The following ZNF318 variants were observed in gnomAD, a reference collection of about 807,000 sequenced individuals.
The protein encoded by ZNF318 is zinc finger protein 318, also known as endocrine regulator.
In ZNF318, 51 loss-of-function variants were observed where a neutral mutation model predicts 124.2. That is an observed-to-expected ratio of 0.41 (90% CI 0.33 to 0.52). ZNF318 has a LOEUF of 0.52. Ranked by LOEUF, ZNF318 falls within the 20% of genes least tolerant of loss-of-function variation. The probability of loss-of-function intolerance (pLI) is 0.23; values close to 1 mark genes in which losing one functional copy is unlikely to be tolerated. For missense variants in ZNF318, 2,815 were observed against 2,811.2 expected, an observed-to-expected ratio of 1.00 and a Z score of -0.03; for synonymous variants, 1,090 against 1,040.7, an observed-to-expected ratio of 1.05 and a Z score of -0.91.
chr6:43,337,967 G>A lies in ZNF318; in HGVS notation c.6031C>T (p.Leu2011Phe). The A allele has an allele frequency of 1.9e-6, 3 of 1,614,204 alleles. No individual in the cohort carries two copies. The highest frequency in any genetic ancestry group is 2.2e-5 in the East Asian group (1 of 44,884). The change falls in exon 10 of 10, where the codon CTT becomes TTT. Residue 2011 changes from leucine (L) to phenylalanine (F), a missense_variant. Around this residue, in one of 4 missense-constraint regions of ZNF318, gnomAD observed 927 missense variants for 820.6 expected, o/e 1.13. Coordinates refer to ENST00000361428, the MANE Select transcript of ZNF318 (RefSeq NM_014345.3). The part of the protein sequence containing the change: ...FEATDLKVEE[L>F]TALGNLGDMP... The stretch of plus-strand genomic sequence containing the variant: ...TCCCCCAGATTCCCCAGGGCAGTAA[G>A]CTCCTCTACCTTTAAGTCTGTAGCT...
chr6:43,363,515 T>C (rs1779714753), intron 2 of ZNF318: 1 of 217,196 alleles, frequency 4.6e-6, no homozygotes, highest in East Asian at 1.2e-4. Flanking sequence ...CCGTGGTGGC[T>C]TCCATGGAGG....
chr6:43,369,324 C>A lies in ZNF318; in HGVS notation c.42G>T (p.Arg14=), dbSNP rs1464889145. The A allele has an allele frequency of 7.4e-7, 1 of 1,346,924 alleles. No individual in the cohort carries two copies. The highest frequency in any genetic ancestry group is 1.6e-5 in the South Asian group (1 of 64,516). The allele number at this position is 1,346,924 out of a possible 1,614,324, so 83.4% of individuals were successfully genotyped here. ...GGCCGCCCCCGCCGTCGTCTTTAGG[C>A]CGGTGGGAAGAGACGGAGGAGCGAG... is the stretch of plus-strand genomic sequence containing the variant. ...SSARSSVSSH[R]PKDDGGGGPR... The change falls in exon 1 of 10, where the codon CGG becomes CGT. Residue 14 remains arginine (R), a synonymous_variant. Coordinates refer to ENST00000361428, the MANE Select transcript of ZNF318 (RefSeq NM_014345.3).
chr6:43,340,359 TTTC>T lies in ZNF318; in HGVS notation c.3636_3638del (p.Lys1213del). On this transcript the variant is annotated inframe_deletion, in exon 10 of 10. Coordinates refer to ENST00000361428, the MANE Select transcript of ZNF318 (RefSeq NM_014345.3). The stretch of plus-strand genomic sequence containing the variant: ...CTTTCACAGCCTTTGCCTTTTTTTC[TTTC>T]TTCTCCTCCTTTGGTTTCTCACTAA... 2 of 1,614,190 alleles carry T rather than the reference TTTC, an allele frequency of 1.2e-6. No homozygotes were observed. Among genetic ancestry groups the T allele is most frequent in the Non-Finnish European group, 1.7e-6 (2 of 1,180,036 alleles).
Position 43,369,250 on chromosome 6 carries a change from C to G in ZNF318, c.116G>C (p.Ser39Thr). 8 of 1,254,392 alleles carry G rather than the reference C, an allele frequency of 6.4e-6. No individual in the cohort carries two copies. Among genetic ancestry groups the G allele is most frequent in the South Asian group, 2.5e-5 (1 of 39,658 alleles). 77.7% of individuals were successfully genotyped at this position (1,254,392 alleles called of 1,614,324 possible). The change falls in exon 1 of 10, where the codon AGC (serine) becomes ACC (threonine). Residue 39 changes from serine (S) to threonine (T), a missense_variant. This residue lies in a region of ZNF318 where 1,377 missense variants were observed against 1,353.5 expected (regional missense o/e 1.02). Coordinates refer to ENST00000361428, the MANE Select transcript of ZNF318 (RefSeq NM_014345.3). ...GCCGGAGGGCGGAGGCGGCGGTGAG[C>G]TGCGGCGAGCCGGGCCTGAGGAGGA... ...SGSSSGPARR[S>T]SPPPPPSGSS...
rs1311917339 is a variant in ZNF318, at chr6:43,338,281, C to T, written c.5717G>A (p.Gly1906Asp). 9.9e-6 allele frequency: 16 copies of T among 1,614,060 alleles called. No individual in the cohort carries two copies. The highest frequency in any genetic ancestry group is 1.4e-5 in the Non-Finnish European group (16 of 1,180,046). Residue 1906 changes from glycine to aspartate, a missense_variant, in exon 10 of 10, where the codon GGT becomes GAT. By Grantham distance (94) the Gly-to-Asp change is moderately conservative. This residue lies in a region of ZNF318 where 927 missense variants were observed against 820.6 expected (regional missense o/e 1.13). Transcript: ENST00000361428. Reference sequence around the variant, plus strand: ...TGAAACTCCTTGCTCTTGTGGACTACCTGTTAAACACATAGCTGATCTGGC... The same window carrying T: ...TGAAACTCCTTGCTCTTGTGGACTATCTGTTAAACACATAGCTGATCTGGC... The part of the protein sequence containing the change: ...SPARSAMCLT[G>D]SPQEQGVSVV...
At chr6:43,368,037 TAATAAA>T (rs1345646861) in intron 1 of ZNF318, among the ~76,000 whole-genome samples, 1 of 152,038 alleles carries the variant, frequency 6.6e-6, no homozygotes, top group Non-Finnish European at 1.5e-5. Context: ...ATAATAATAA[TAATAAA>T]AAGATTGATG....
chr6:43,357,410 G>A lies in ZNF318; in HGVS notation c.904C>T (p.Arg302Cys), dbSNP rs772493037. The change falls in exon 3 of 10, where the codon CGT (arginine) becomes TGT (cysteine). Residue 302 changes from arginine (R) to cysteine (C), a missense_variant. Physicochemically the swap from Arg to Cys is radical, Grantham distance 180. Coordinates refer to ENST00000361428, the MANE Select transcript of ZNF318 (RefSeq NM_014345.3). The stretch of plus-strand genomic sequence containing the variant: ...AACCTAGGACTTGGGCTTCTTCTAC[G>A]CTGTCGATAGTTGCGAGTTCCTGAT... ...FTSGTRNYRQRRRSPSPRFLD... is the reference protein window; with the variant it reads ...FTSGTRNYRQCRRSPSPRFLD... 35 of 1,614,018 alleles carry A rather than the reference G, an allele frequency of 2.2e-5. 2 individuals carry two copies. The highest frequency in any genetic ancestry group is 3.3e-4 in the Middle Eastern group (2 of 6,084).
Position 43,347,391 on chromosome 6 carries a change from G to C in ZNF318, c.3072+933C>G, listed in dbSNP as rs555452614. 3.3e-5 allele frequency among the ~76,000 whole-genome samples: 5 copies of C among 152,354 alleles called. No homozygotes were observed. The South Asian group carries it at 1.0e-3, about 32-fold the overall frequency. On this transcript the variant is annotated intron_variant, in intron 6 of 9. Transcript: ENST00000361428. ...TGGCTTGGACTTGAATGTCAATGGAGATGATAAGGTGCATGGAATCGAGAT... is the reference window on the plus strand; with the variant it reads ...TGGCTTGGACTTGAATGTCAATGGACATGATAAGGTGCATGGAATCGAGAT...
At chr6:43,354,309 T>C (rs1039289530) in intron 4 of ZNF318, among the ~76,000 whole-genome samples, 3 of 152,202 alleles carry the variant, frequency 2.0e-5, no homozygotes, top group Non-Finnish European at 2.9e-5. Context: ...GGTTTACTGA[T>C]TCTCCTTCAC....
rs1195326990 is a variant in ZNF318, at chr6:43,369,531, C to T, written c.-166G>A. The stretch of plus-strand genomic sequence containing the variant: ...TCGGCCCCGCGTCGCCCCGGGGGCC[C>T]GGCCGAGCGCGCCCCCGCGGCTGGC... On this transcript the variant is annotated 5_prime_UTR_variant, in exon 1 of 10. Transcript: ENST00000361428. 9.4e-6 allele frequency: 3 copies of T among 317,838 alleles called. No homozygotes were observed. Among genetic ancestry groups the T allele is most frequent in the African/African-American group, 2.3e-5 (1 of 44,240 alleles). The allele number at this position is 317,838 out of a possible 1,614,324, so 19.7% of individuals were successfully genotyped here. A position where few individuals can be genotyped will look rare whatever the true frequency, so the allele number is the denominator to read the frequency against.
intron 3 of ZNF318, 67 bp downstream of exon 3, chr6:43,357,059 G>T (rs924484156): frequency 1.9e-5 from 28 of 1,506,140 alleles, no homozygotes; most frequent in Non-Finnish European, 2.5e-5. Flanking sequence ...TAGCCCACAG[G>T]AAAGTAAGCA....
At chr6:43,358,884 AGAGGT>A (rs146136596) in intron 2 of ZNF318, among the ~76,000 whole-genome samples, 4,209 of 152,270 alleles carry the variant, frequency 0.028, 207 homozygotes, top group African/African-American at 0.094. Flanking sequence ...GCTGTGTTCC[AGAGGT>A]TGTAAAGAGT....
rs370389262 is a variant in ZNF318, at chr6:43,364,257, T to C, written c.548+1035A>G. Reference sequence around the variant, plus strand: ...ATCAAGACACACACCAGAGTCTCTGTGCAGAGGACGTAGGCTCCAGCTGTG... The same window carrying C: ...ATCAAGACACACACCAGAGTCTCTGCGCAGAGGACGTAGGCTCCAGCTGTG... On this transcript the variant is annotated intron_variant, in intron 2 of 9. Transcript: ENST00000361428. The C allele has an allele frequency of 5.2e-6, 3 of 574,036 alleles. No individual in the cohort carries two copies. In the Admixed American group the frequency reaches 8.6e-5, roughly 16 times the overall value. The allele number at this position is 574,036 out of a possible 1,614,324, so 35.6% of individuals were successfully genotyped here. A position where few individuals can be genotyped will look rare whatever the true frequency, so the allele number is the denominator to read the frequency against.
At position 43,355,090 on chromosome 6, in the gene ZNF318, G is replaced by A. The variant is rs764564273; in HGVS notation, c.2244C>T (p.Ala748=). 2.5e-6 allele frequency: 4 copies of A among 1,614,156 alleles called. No individual in the cohort carries two copies. The Admixed American group carries it at 5.0e-5, about 20-fold the overall frequency. The change falls in exon 4 of 10, where the codon GCC becomes GCT. Residue 748 remains alanine, a synonymous_variant. Coordinates refer to ENST00000361428, the MANE Select transcript of ZNF318 (RefSeq NM_014345.3). ...CAGCAGTGTGTGGAAGTCTAATTGG[G>A]GCAGATGGGGCTGATGGCAACATGC... is the stretch of plus-strand genomic sequence containing the variant. ...VRCMLPSAPS[A]PIRLPHTAAL...
intron 5 of ZNF318, 119 bp downstream of exon 5, chr6:43,352,258 A>AGAGTACCTGAGACTTC: frequency 1.3e-6 from 1 of 742,334 alleles, no homozygotes; most frequent in African/African-American, 1.8e-5. Context: ...TGTAAGTTTA[A>AGAGTACCTGAGACTTC]TTACGTCAAA....
At position 43,342,734 on chromosome 6, in the gene ZNF318, G is replaced by A; in HGVS notation, c.3218C>T (p.Thr1073Ile). 6.2e-7 allele frequency: 1 copy of A among 1,614,214 alleles called. No homozygotes were observed. Among genetic ancestry groups the A allele is most frequent in the Middle Eastern group, 1.6e-4 (1 of 6,062 alleles). Residue 1073 changes from threonine to isoleucine, a missense_variant, in exon 7 of 10, where the codon ACC (threonine) becomes ATC (isoleucine). Around this residue, in one of 4 missense-constraint regions of ZNF318, gnomAD observed 500 missense variants for 605.2 expected, o/e 0.83. Transcript: ENST00000361428. Reference protein sequence around the residue: ...AGNHWCKDCNTICGTMFDFFT... With the variant: ...AGNHWCKDCNIICGTMFDFFT... ...GAAATCAAACATGGTCCCACAGATG[G>A]TGTTGCAGTCTTTGCACCAGTGATT...
chr6:43,338,680 C>T lies in ZNF318; in HGVS notation c.5318G>A (p.Ser1773Asn). 1.2e-6 allele frequency: 2 copies of T among 1,614,210 alleles called. No homozygotes were observed. Among genetic ancestry groups the T allele is most frequent in the South Asian group, 1.1e-5 (1 of 91,082 alleles). ...ELRKSEDCRE[S>N]EIETNTELKE... ...TAGTTCAGTGTTTGTCTCTATCTCA[C>T]TTTCTCTACAATCCTCAGATTTACG... Residue 1773 changes from serine to asparagine, a missense_variant, in exon 10 of 10, where the codon AGT becomes AAT. Coordinates refer to ENST00000361428, the MANE Select transcript of ZNF318 (RefSeq NM_014345.3).
At chr6:43,366,922 G>A (rs971158925) in intron 1 of ZNF318, among the ~76,000 whole-genome samples, 1 of 152,100 alleles carries the variant, frequency 6.6e-6, no homozygotes, top group African/African-American at 2.4e-5. Flanking sequence ...CACGATCTCG[G>A]CTCACTGCAA....
In ZNF318 at chr6:43,355,076, G is replaced by T. The variant is rs529534741; in HGVS notation, c.2258C>A (p.Pro753Gln). 1.9e-6 allele frequency: 3 copies of T among 1,614,078 alleles called. No individual in the cohort carries two copies. Among genetic ancestry groups the T allele is most frequent in the Non-Finnish European group, 2.5e-6 (3 of 1,180,042 alleles). The change falls in exon 4 of 10, where the codon CCA (proline) becomes CAA (glutamine). Residue 753 changes from proline (P) to glutamine (Q), a missense_variant. Pro to Gln is a moderately conservative substitution (Grantham distance 76). Around this residue, in one of 4 missense-constraint regions of ZNF318, gnomAD observed 1,377 missense variants for 1,353.5 expected, o/e 1.02. Coordinates refer to ENST00000361428, the MANE Select transcript of ZNF318 (RefSeq NM_014345.3). ...PSAPSAPIRL[P>Q]HTAALSQFHM... ...AAACTGAGATAAAGCAGCAGTGTGT[G>T]GAAGTCTAATTGGGGCAGATGGGGC...
Sources: gnomAD v4.1 joint callset for allele counts (sites outside exome capture counted in the v4.1 genomes callset) on GRCh38, gnomAD v4.1.1 for gene constraint, gnomAD v4.1.1 regional missense constraint, MANE v1.5 for transcripts, NCBI Gene and HGNC (gene_info 2026-07-23, HGNC 2026-07-21) for gene names.